The following HEATR4 variants were observed in gnomAD, a reference collection of about 807,000 sequenced individuals.
HEATR4 encodes the protein HEAT repeat containing 4, also known as HEAT repeat-containing protein 4.
HEATR4 carries 95 observed loss-of-function variants against 108.8 expected under a neutral mutation model. That is an observed-to-expected ratio of 0.87 (90% CI 0.74 to 1.04). The LOEUF is 1.04. HEATR4 is among the 50% of genes least tolerant of loss of function. The pLI is 0.00. For missense variants in HEATR4, 1,152 were observed against 1,253.8 expected, an observed-to-expected ratio of 0.92 and a Z score of 1.23; for synonymous variants, 443 against 459.4, an observed-to-expected ratio of 0.96 and a Z score of 0.46.
In HEATR4 at chr14:73,492,870, AC is replaced by A; in HGVS notation, c.2844+195del. ...GACCTGCCCTGTGACAGTGTGGAGGACCAGCTGTCCTTGGCAACCACGTTGT... is the reference window on the plus strand; with the variant it reads ...GACCTGCCCTGTGACAGTGTGGAGGACAGCTGTCCTTGGCAACCACGTTGT... On this transcript the variant is annotated intron_variant, in intron 17 of 17. Coordinates refer to ENST00000553558, the MANE Select transcript of HEATR4 (RefSeq NM_001220484.1). This position sits in a 1 kb window ranked among gnomAD's most constrained non-coding sequence, Gnocchi z 4.9. 1 of 1,613,864 alleles carries A rather than the reference AC, an allele frequency of 6.2e-7. No homozygotes were observed. The highest frequency in any genetic ancestry group is 8.5e-7 in the Non-Finnish European group (1 of 1,179,856).
chr14:73,531,483 T>C lies in HEATR4; in HGVS notation c.-151-1239A>G, dbSNP rs1340507927. The stretch of plus-strand genomic sequence containing the variant: ...TCGCCCAGGCTGGAGTGCAGTGGTG[T>C]GATCTTGGCTCACTGCAACCTCTGC... On this transcript the variant is annotated intron_variant, in intron 1 of 17. Transcript: ENST00000553558. Among the ~76,000 whole-genome samples, 3 of 104,092 alleles carry C rather than the reference T, an allele frequency of 2.9e-5. 1 individual carries two copies. Among genetic ancestry groups the C allele is most frequent in the African/African-American group, 6.2e-5 (2 of 32,152 alleles). The allele number at this position is 104,092 out of a possible 152,430, so 68.3% of individuals were successfully genotyped here. A position where few individuals can be genotyped will look rare whatever the true frequency, so the allele number is the denominator to read the frequency against.
chr14:73,495,799 C>A (rs1031426251), intron 15 of HEATR4, among the ~76,000 whole-genome samples: 3 of 152,134 alleles, frequency 2.0e-5, no homozygotes, highest in African/African-American at 2.4e-5. Flanking sequence ...CCTTTCCCCT[C>A]TATTCCTTCA....
the HEATR4 span, among the ~76,000 whole-genome samples, chr14:73,597,689 G>A: frequency 6.9e-6 from 1 of 145,206 alleles, no homozygotes; most frequent in Non-Finnish European, 1.5e-5. Flanking sequence ...TGCCTCCCAG[G>A]TTCAAGCAAT....
the HEATR4 span, chr14:73,610,915 C>A: frequency 6.6e-6 from 1 of 152,174 alleles, no homozygotes; most frequent in African/African-American, 2.4e-5. Flanking sequence ...GAGTACAAAA[C>A]TCAGGGCAGC....
intron 6 of HEATR4, among the ~76,000 whole-genome samples, 181 bp downstream of exon 6, chr14:73,513,850 T>C (rs1248313351): frequency 6.6e-6 from 1 of 151,642 alleles, no homozygotes; most frequent in Non-Finnish European, 1.5e-5. Context: ...CCCAGATATA[T>C]GTTAACTGAA....
At chr14:73,572,336 A>T in the HEATR4 span, among the ~76,000 whole-genome samples, 1 of 151,942 alleles carries the variant, frequency 6.6e-6, no homozygotes, top group African/African-American at 2.4e-5. Flanking sequence ...AAGATATACA[A>T]AAGAAAAGAA....
intron 17 of HEATR4, among the ~76,000 whole-genome samples, chr14:73,486,386 T>C (rs1885452885): frequency 6.6e-6 from 1 of 152,224 alleles, no homozygotes; most frequent in East Asian, 1.9e-4. Flanking sequence ...ACTCATGCTA[T>C]CCTTCCTTCT....
At chr14:73,612,879 C>A in the HEATR4 span, 1 of 1,397,892 alleles carries the variant, frequency 7.2e-7, no homozygotes. Context: ...ACGCCCTTCG[C>A]CGTGGAGCTG....
At position 73,548,087 on chromosome 14, in the gene HEATR4, C is replaced by T. The variant is rs555929463; in HGVS notation, c.-152+10664G>A. Among the ~76,000 whole-genome samples the T allele has an allele frequency of 9.6e-5, 11 of 114,318 alleles. 3 individuals carry two copies. In the South Asian group the frequency reaches 2.2e-3, roughly 23 times the overall value. 75.0% of individuals were successfully genotyped at this position (114,318 alleles called of 152,430 possible). ...GAGACTATAGGCACTTGCCACCATG[C>T]CCAGCTAATTTTTAATTTTTTGCAG... On this transcript the variant is annotated intron_variant, in intron 1 of 17. Transcript: ENST00000553558.
rs1326807611 is a variant in HEATR4 at position 73,557,416 on chromosome 14, T to C, written c.-152+1335A>G. Among the ~76,000 whole-genome samples, 6 of 102,266 alleles carry C rather than the reference T, an allele frequency of 5.9e-5. 2 individuals carry two copies. The highest frequency in any genetic ancestry group is 6.4e-4 in the South Asian group (2 of 3,136). 67.1% of individuals were successfully genotyped at this position (102,266 alleles called of 152,430 possible). ...TCAGTCGCTTACCCTCACCCTCTGG[T>C]CTGATACCTTTATCCTGTACAAGTG... On this transcript the variant is annotated intron_variant, in intron 1 of 17. Coordinates refer to ENST00000553558, the MANE Select transcript of HEATR4 (RefSeq NM_001220484.1).
At chr14:73,490,951 T>C in intron 17 of HEATR4, 1 of 1,285,030 alleles carries the variant, frequency 7.8e-7, no homozygotes, top group Non-Finnish European at 9.9e-7. Flanking sequence ...CCGCAGCCGC[T>C]GCATTCAGGA....
At chr14:73,629,533 T>A in the HEATR4 span, among the ~76,000 whole-genome samples, 2 of 152,186 alleles carry the variant, frequency 1.3e-5, no homozygotes, top group Non-Finnish European at 2.9e-5. Context: ...TCTAGTGCCT[T>A]CCAGCTTGAG....
chr14:73,576,057 G>C, the HEATR4 span, among the ~76,000 whole-genome samples: 3 of 152,140 alleles, frequency 2.0e-5, no homozygotes, highest in Admixed American at 1.3e-4. Flanking sequence ...GGAGGCTGAG[G>C]CAGGAGAATT....
the HEATR4 span, chr14:73,610,814 G>C: frequency 6.6e-6 from 1 of 152,170 alleles, no homozygotes; most frequent in Admixed American, 6.5e-5. Flanking sequence ...AGAGAGGGAC[G>C]GACTGGCTGG....
At chr14:73,555,378 A>T (rs1321849022) in intron 1 of HEATR4, among the ~76,000 whole-genome samples, 1 of 112,478 alleles carries the variant, frequency 8.9e-6, no homozygotes, top group Non-Finnish European at 1.9e-5. Context: ...AAGCAAAAAA[A>T]CTTCCAATCT....
the HEATR4 span, among the ~76,000 whole-genome samples, chr14:73,622,480 G>T: frequency 6.6e-6 from 1 of 152,094 alleles, no homozygotes; most frequent in Non-Finnish European, 1.5e-5. Flanking sequence ...TCGGCTCACC[G>T]CAACCTCTGC....
chr14:73,594,867 A>AT, the HEATR4 span, among the ~76,000 whole-genome samples: 18 of 151,056 alleles, frequency 1.2e-4, 1 homozygote, highest in East Asian at 2.3e-3. Context: ...CACTCGGCTA[A>AT]TTTTTTTTTG....
chr14:73,572,064 G>A, the HEATR4 span, among the ~76,000 whole-genome samples: 1 of 147,876 alleles, frequency 6.8e-6, no homozygotes, highest in Non-Finnish European at 1.5e-5. Flanking sequence ...CTCACTGCTA[G>A]AAGGAGCAAC....
the HEATR4 span, among the ~76,000 whole-genome samples, chr14:73,597,811 C>T: frequency 6.6e-6 from 1 of 151,666 alleles, no homozygotes; most frequent in Non-Finnish European, 1.5e-5. Flanking sequence ...CCAGGCTGGT[C>T]TCAAATCCCT....
Sources: allele counts gnomAD v4.1 joint callset (sites outside exome capture counted in the v4.1 genomes callset), GRCh38; gene constraint gnomAD v4.1.1; non-coding constraint Gnocchi (gnomAD v3.1); transcripts MANE v1.5; gene names NCBI Gene and HGNC (gene_info 2026-07-23, HGNC 2026-07-21).